PTPRD: variants seen among roughly 807,000 people sequenced by gnomAD.
PTPRD encodes the protein receptor-type tyrosine-protein phosphatase delta.
PTPRD carries 34 observed loss-of-function variants against 214.5 expected under a neutral mutation model. The observed-to-expected ratio is 0.16, with a 90% CI of 0.12 to 0.21. The LOEUF is 0.21. Ranked by LOEUF, PTPRD falls within the 10% of genes least tolerant of loss-of-function variation. The pLI, the probability that PTPRD is intolerant of heterozygous loss-of-function variation, is 1.00. For missense variants in PTPRD, 2,545 were observed against 2,398.7 expected (o/e 1.06, Z -1.27); for synonymous variants, 1,128 against 845.7 (o/e 1.33, Z -5.79).
At chr9:9,775,092 C>G (rs900314406) in intron 5 of PTPRD, among the ~76,000 whole-genome samples, 4 of 152,128 alleles carry the variant, frequency 2.6e-5, no homozygotes, top group Admixed American at 6.6e-5. Flanking sequence ...TTTGGAGAGT[C>G]GAATGCTCCA....
intron 11 of PTPRD, among the ~76,000 whole-genome samples, chr9:8,996,512 G>C (rs1263252052): frequency 6.6e-6 from 1 of 151,960 alleles, no homozygotes; most frequent in Non-Finnish European, 1.5e-5. Context: ...GGATCTGTGG[G>C]GTGCCTTACC....
At chr9:9,956,538 A>T (rs1347673175) in intron 4 of PTPRD, among the ~76,000 whole-genome samples, 1 of 152,174 alleles carries the variant, frequency 6.6e-6, no homozygotes, top group African/African-American at 2.4e-5. Flanking sequence ...AAATATTCAA[A>T]ATTAATACAG....
intron 14 of PTPRD, among the ~76,000 whole-genome samples, chr9:8,615,798 C>T (rs2095594177): frequency 6.6e-6 from 1 of 151,970 alleles, no homozygotes; most frequent in South Asian, 2.1e-4. Context: ...TTGTCCTTAT[C>T]AGGAAGTAAT....
At chr9:10,508,490 T>C (rs2046842061) in intron 2 of PTPRD, among the ~76,000 whole-genome samples, 1 of 152,176 alleles carries the variant, frequency 6.6e-6, no homozygotes, top group South Asian at 2.1e-4. Flanking sequence ...TGAAGACACA[T>C]GCACACGTAT....
chr9:10,149,441 T>G lies in PTPRD; in HGVS notation c.-544-115651A>C, dbSNP rs184662203. ...TCCTAGTTTCCACCTTTTTTTAGACTAGTCTGTGTCCTTACATGACAAGAG... is the reference window on the plus strand; with the variant it reads ...TCCTAGTTTCCACCTTTTTTTAGACGAGTCTGTGTCCTTACATGACAAGAG... On this transcript the variant is annotated intron_variant, in intron 3 of 45. Coordinates refer to ENST00000381196, the MANE Select transcript of PTPRD (RefSeq NM_002839.4). Among the ~76,000 whole-genome samples, 964 of 152,262 alleles carry G rather than the reference T, an allele frequency of 6.3e-3. 10 individuals are homozygous for G. Among genetic ancestry groups the G allele is most frequent in the African/African-American group, 0.021 (867 of 41,558 alleles).
intron 3 of PTPRD, among the ~76,000 whole-genome samples, chr9:10,277,076 CCT>C (rs1268531385): frequency 6.6e-6 from 1 of 152,114 alleles, no homozygotes. Flanking sequence ...GGCAAAGACC[CCT>C]GATTCATCAT....
chr9:8,343,852 G>C (rs1268535451), intron 39 of PTPRD, among the ~76,000 whole-genome samples: 1 of 152,036 alleles, frequency 6.6e-6, no homozygotes, highest in African/African-American at 2.4e-5. Context: ...GTAATGAGCA[G>C]CCCGTCCCGG....
chr9:8,772,825 A>G (rs2154486556), intron 11 of PTPRD, among the ~76,000 whole-genome samples: 1 of 151,418 alleles, frequency 6.6e-6, no homozygotes, highest in East Asian at 2.0e-4. Context: ...TGTTAATTTT[A>G]TTTTGGGGGT....
chr9:9,657,775 A>G (rs1468854079), intron 7 of PTPRD, among the ~76,000 whole-genome samples: 2 of 152,202 alleles, frequency 1.3e-5, no homozygotes, highest in Non-Finnish European at 2.9e-5. Context: ...ATGGGGGCAA[A>G]CCAATTGTAC....
chr9:10,268,059 T>C (rs2094184499), intron 3 of PTPRD, among the ~76,000 whole-genome samples: 1 of 151,476 alleles, frequency 6.6e-6, no homozygotes, highest in Non-Finnish European at 1.5e-5. Context: ...GGCAGAATTG[T>C]TGGAGGCTAG....
intron 14 of PTPRD, among the ~76,000 whole-genome samples, chr9:8,561,151 A>C (rs904343973): frequency 3.3e-5 from 5 of 152,132 alleles, no homozygotes; most frequent in Admixed American, 2.0e-4. Context: ...CATGTATTTT[A>C]CTTATCCCTA....
At chr9:9,971,531 G>A (rs1026088237) in intron 4 of PTPRD, among the ~76,000 whole-genome samples, 1 of 152,274 alleles carries the variant, frequency 6.6e-6, no homozygotes, top group South Asian at 2.1e-4. Context: ...CAACTCTGAG[G>A]AATTCAGGCT....
chr9:8,635,338 T>G (rs1339127788), intron 13 of PTPRD, among the ~76,000 whole-genome samples: 1 of 151,688 alleles, frequency 6.6e-6, no homozygotes, highest in African/African-American at 2.4e-5. Flanking sequence ...AAAATTAACT[T>G]CATTTAAATT....
chr9:8,942,265 T>C (rs988449381), intron 11 of PTPRD, among the ~76,000 whole-genome samples: 8 of 152,210 alleles, frequency 5.3e-5, no homozygotes, highest in Non-Finnish European at 1.0e-4. Context: ...CAATATACTT[T>C]TTTCTGGTGC....
chr9:9,333,527 A>ATATATATATATATATATATAT (rs1569567453), intron 9 of PTPRD, among the ~76,000 whole-genome samples: 23 of 124,054 alleles, frequency 1.9e-4, no homozygotes, highest in African/African-American at 1.1e-3. Flanking sequence ...TATATATATA[A>ATATATATATATATATATATAT]AGTCTGCAAT....
intron 9 of PTPRD, among the ~76,000 whole-genome samples, chr9:9,286,634 G>T (rs1373655063): frequency 6.6e-6 from 1 of 150,818 alleles, no homozygotes; most frequent in East Asian, 2.0e-4. Flanking sequence ...CTTTCCTGAT[G>T]CCCCCAAACC....
At chr9:10,154,264 T>C (rs1484205609) in intron 3 of PTPRD, among the ~76,000 whole-genome samples, 1 of 152,196 alleles carries the variant, frequency 6.6e-6, no homozygotes, top group Non-Finnish European at 1.5e-5. Context: ...GCTGCATGTA[T>C]GTCTTCTTTT....
At chr9:8,488,669 T>C (rs1815170468) in intron 27 of PTPRD, among the ~76,000 whole-genome samples, 1 of 152,260 alleles carries the variant, frequency 6.6e-6, no homozygotes. Flanking sequence ...ATTATCTTAA[T>C]TTTAAAATAG....
chr9:8,926,439 G>A (rs575222115), intron 11 of PTPRD, among the ~76,000 whole-genome samples: 16 of 152,204 alleles, frequency 1.1e-4, no homozygotes, highest in Middle Eastern at 3.4e-3. Context: ...ATCTCGTAGA[G>A]TTTTCTAATA....
Sources: gnomAD v4.1 joint callset for allele counts (sites outside exome capture counted in the v4.1 genomes callset) on GRCh38, gnomAD v4.1.1 for gene constraint, MANE v1.5 for transcripts, NCBI Gene and HGNC (gene_info 2026-07-23, HGNC 2026-07-21) for gene names.